Variants in COL5A2 observed in about 807,000 individuals in gnomAD.
COL5A2 encodes collagen alpha-2(V) chain.
Under a neutral mutation model 208.2 loss-of-function variants are expected in COL5A2, and 23 were observed. That is an observed-to-expected ratio of 0.11 (90% CI 0.08 to 0.16). The LOEUF (loss-of-function observed/expected upper bound fraction) is 0.16. COL5A2 is among the 10% of genes least tolerant of loss of function. The probability of loss-of-function intolerance (pLI) is 1.00; values close to 1 mark genes in which losing one functional copy is unlikely to be tolerated. For synonymous variants in COL5A2, 625 were observed against 628.5 expected (o/e 0.99, Z 0.08); for missense variants, 1,590 against 1,956.4 (o/e 0.81, Z 3.53).
At chr2:189,244,779 A>G in the COL5A2 span, among the ~76,000 whole-genome samples, 5 of 152,128 alleles carry the variant, frequency 3.3e-5, no homozygotes, top group Non-Finnish European at 7.4e-5. Context: ...TCAGCAGCGC[A>G]CCACTCTACT....
chr2:189,214,470 T>C (rs1351663149), intron 1 of COL5A2, among the ~76,000 whole-genome samples: 1 of 152,122 alleles, frequency 6.6e-6, no homozygotes, highest in Non-Finnish European at 1.5e-5. Context: ...CCTTTATACA[T>C]ACATACATAT....
chr2:189,272,319 T>A, the COL5A2 span, among the ~76,000 whole-genome samples: 1 of 152,056 alleles, frequency 6.6e-6, no homozygotes, highest in East Asian at 1.9e-4. Flanking sequence ...CACCAAAGAA[T>A]ACTATGCAGC....
chr2:189,042,145 AT>A (rs1422575192), intron 49 of COL5A2, among the ~76,000 whole-genome samples: 1 of 152,020 alleles, frequency 6.6e-6, no homozygotes, highest in Admixed American at 6.6e-5. Flanking sequence ...TCTTTAAATT[AT>A]TTTTTCTAAT....
chr2:189,065,102 T>C, intron 23 of COL5A2, 45 bp from the exon 24 acceptor site: 1 of 1,576,908 alleles, frequency 6.3e-7, no homozygotes, highest in Non-Finnish European at 8.7e-7. Context: ...TTGATATTTT[T>C]GCAATATGTA....
At chr2:189,125,444 T>C (rs970257348) in intron 1 of COL5A2, among the ~76,000 whole-genome samples, 8 of 152,090 alleles carry the variant, frequency 5.3e-5, no homozygotes, top group African/African-American at 1.9e-4. Flanking sequence ...GCAACACAGG[T>C]TTGAACTGCA....
At chr2:189,241,684 C>T in the COL5A2 span, among the ~76,000 whole-genome samples, 12 of 152,184 alleles carry the variant, frequency 7.9e-5, no homozygotes, top group East Asian at 1.7e-3. Flanking sequence ...AAACGTTGTT[C>T]GAGAAAATAA....
chr2:189,058,918 A>G (rs1251752791), intron 31 of COL5A2, 25 bp from the exon 32 acceptor site: 1 of 1,584,130 alleles, frequency 6.3e-7, no homozygotes, highest in Non-Finnish European at 8.7e-7. Context: ...TTTTTTTTTA[A>G]TGGAACAAGA....
At chr2:189,295,381 G>C in the COL5A2 span, among the ~76,000 whole-genome samples, 1 of 152,192 alleles carries the variant, frequency 6.6e-6, no homozygotes, top group Non-Finnish European at 1.5e-5. Context: ...AGGTTGGGGG[G>C]TGGATCACTT....
chr2:189,045,096 GT>G, intron 47 of COL5A2, 82 bp downstream of exon 47: 2 of 888,782 alleles, frequency 2.3e-6, no homozygotes, highest in Non-Finnish European at 3.4e-6. Flanking sequence ...ATATTTTTCA[GT>G]TATGAATCTT....
chr2:189,303,846 C>T, the COL5A2 span, among the ~76,000 whole-genome samples: 1 of 152,132 alleles, frequency 6.6e-6, no homozygotes, highest in Non-Finnish European at 1.5e-5. Context: ...GTTCTGACCA[C>T]GAGGCACCCC....
At chr2:189,239,255 T>C in the COL5A2 span, among the ~76,000 whole-genome samples, 2 of 152,050 alleles carry the variant, frequency 1.3e-5, no homozygotes, top group East Asian at 1.9e-4. Flanking sequence ...TGTTAATAAT[T>C]ATAATAGAAT....
At chr2:189,347,292 G>C in the COL5A2 span, among the ~76,000 whole-genome samples, 1 of 152,090 alleles carries the variant, frequency 6.6e-6, no homozygotes, top group African/African-American at 2.4e-5. Flanking sequence ...TGAGAATTAT[G>C]GGGACGCTTA....
the COL5A2 span, among the ~76,000 whole-genome samples, chr2:189,251,119 G>T: frequency 6.6e-6 from 1 of 151,872 alleles, no homozygotes; most frequent in Non-Finnish European, 1.5e-5. Context: ...TCAAATTGAT[G>T]GGGGGCATGG....
At chr2:189,185,822 C>A (rs922212969) in intron 1 of COL5A2, among the ~76,000 whole-genome samples, 1 of 152,096 alleles carries the variant, frequency 6.6e-6, no homozygotes, top group African/African-American at 2.4e-5. Flanking sequence ...GATTGAATGA[C>A]CGTGAGACAA....
chr2:189,076,969 G>A (rs1686418637), intron 16 of COL5A2, among the ~76,000 whole-genome samples: 1 of 152,058 alleles, frequency 6.6e-6, no homozygotes, highest in Non-Finnish European at 1.5e-5. Context: ...CAGCTATTTG[G>A]GTGAGAGTAT....
Position 189,088,587 on chromosome 2 carries a change from G to A in COL5A2, c.645+108C>T, listed in dbSNP as rs115949351. 2.0e-3 allele frequency: 1,641 copies of A among 834,912 alleles called. 18 individuals carry two copies. In the African/African-American group the frequency reaches 0.025, roughly 12 times the overall value. 51.7% of individuals were successfully genotyped at this position (834,912 alleles called of 1,614,324 possible). On this transcript the variant is annotated intron_variant, in intron 8 of 53. Coordinates refer to ENST00000374866, the MANE Select transcript of COL5A2 (RefSeq NM_000393.5). ...TGAATGAATGAATGAATGTACGACT[G>A]TGTTTAAGAAGATGCATGTTATTCT...
chr2:189,177,618 A>C (rs1688700647), intron 1 of COL5A2, among the ~76,000 whole-genome samples: 1 of 152,144 alleles, frequency 6.6e-6, no homozygotes, highest in Admixed American at 6.5e-5. Context: ...ACATTCTGTA[A>C]AATTTGATGT....
chr2:189,286,057 G>A, the COL5A2 span, among the ~76,000 whole-genome samples: 3 of 151,776 alleles, frequency 2.0e-5, no homozygotes, highest in Middle Eastern at 0.01. Flanking sequence ...TTCTCTGGGT[G>A]GCCTAAGGGT....
rs770792248 is a variant in COL5A2 at position 189,035,171 on chromosome 2, G to T, written c.4114-16C>A. 1.2e-6 allele frequency: 2 copies of T among 1,613,680 alleles called. No individual in the cohort carries two copies. On this transcript the variant is annotated splice_polypyrimidine_tract_variant and intron_variant, in intron 52 of 53. Coordinates refer to ENST00000374866, the MANE Select transcript of COL5A2 (RefSeq NM_000393.5). ...CATAAGCGAACTAGAAAAACAAAGA[G>T]TCTTTGTCATACACAAGACTGAAGG...
Sources: allele counts gnomAD v4.1 joint callset (sites outside exome capture counted in the v4.1 genomes callset), GRCh38; gene constraint gnomAD v4.1.1; transcripts MANE v1.5; gene names NCBI Gene and HGNC (gene_info 2026-07-23, HGNC 2026-07-21).